AFG1L: variants seen among roughly 807,000 people sequenced by gnomAD.
The protein encoded by AFG1L is AFG1-like ATPase.
In AFG1L, 53 loss-of-function variants were observed where a neutral mutation model predicts 62.2. The observed-to-expected ratio is 0.85, with a 90% CI of 0.68 to 1.07. The LOEUF (loss-of-function observed/expected upper bound fraction) is 1.07, where lower values mean the gene tolerates loss of function less well. Ranked by LOEUF, AFG1L falls within the 50% of genes least tolerant of loss-of-function variation. AFG1L has a pLI of 0.00. For missense variants in AFG1L, 555 were observed against 590.5 expected (o/e 0.94, Z 0.62); for synonymous variants, 228 against 210.3 (o/e 1.08, Z -0.73).
At chr6:108,473,881 A>G (rs1276176884) in intron 8 of AFG1L, among the ~76,000 whole-genome samples, 2 of 152,092 alleles carry the variant, frequency 1.3e-5, no homozygotes, top group Admixed American at 1.3e-4. Context: ...AAAAATATAT[A>G]TTTTATTTTA....
intron 1 of AFG1L, among the ~76,000 whole-genome samples, chr6:108,309,096 A>C (rs1187179549): frequency 6.6e-6 from 1 of 152,182 alleles, no homozygotes; most frequent in Non-Finnish European, 1.5e-5. Context: ...AAGGTCACGA[A>C]GGTATTTTCA....
intron 8 of AFG1L, among the ~76,000 whole-genome samples, chr6:108,457,038 C>G (rs1443302153): frequency 6.6e-6 from 1 of 152,138 alleles, no homozygotes; most frequent in Non-Finnish European, 1.5e-5. Context: ...TAACAACACT[C>G]TTAAAACATA....
chr6:108,413,603 A>G (rs185618497), intron 7 of AFG1L, among the ~76,000 whole-genome samples: 320 of 152,364 alleles, frequency 2.1e-3, no homozygotes, highest in African/African-American at 7.4e-3. Flanking sequence ...AGAACTCAGG[A>G]CTAAGAAACT....
At chr6:108,401,363 C>T (rs543357382) in intron 6 of AFG1L, among the ~76,000 whole-genome samples, 241 of 151,678 alleles carry the variant, frequency 1.6e-3, no homozygotes, top group African/African-American at 4.8e-3. Flanking sequence ...AGGATGGTCT[C>T]GATCTCCTGA....
intron 7 of AFG1L, among the ~76,000 whole-genome samples, chr6:108,441,681 C>T (rs953394991): frequency 1.4e-5 from 2 of 143,064 alleles, no homozygotes; most frequent in Non-Finnish European, 3.0e-5. Context: ...TGAATGAAAT[C>T]TGAAAATCTG....
intron 6 of AFG1L, among the ~76,000 whole-genome samples, chr6:108,389,844 C>T (rs1230965102): frequency 6.6e-6 from 1 of 152,116 alleles, no homozygotes; most frequent in East Asian, 1.9e-4. Flanking sequence ...ATGAATCTGA[C>T]AATTACGTGT....
intron 2 of AFG1L, among the ~76,000 whole-genome samples, chr6:108,337,524 C>T (rs555290749): frequency 6.6e-6 from 1 of 152,262 alleles, no homozygotes; most frequent in Middle Eastern, 3.4e-3. Flanking sequence ...AGTACATGCC[C>T]ATAAATGCTG....
chr6:108,302,100 C>T (rs1777024004), intron 1 of AFG1L, among the ~76,000 whole-genome samples: 1 of 152,148 alleles, frequency 6.6e-6, no homozygotes, highest in Admixed American at 6.5e-5. Context: ...GTGTCCACCA[C>T]CATGCCCTGC....
chr6:108,386,816 T>G (rs1231746043), intron 6 of AFG1L, among the ~76,000 whole-genome samples: 1 of 152,206 alleles, frequency 6.6e-6, no homozygotes, highest in Non-Finnish European at 1.5e-5. Flanking sequence ...TACATTTTTT[T>G]GAAGTGATAT....
chr6:108,321,699 A>C (rs1777817922), intron 1 of AFG1L, among the ~76,000 whole-genome samples: 1 of 152,216 alleles, frequency 6.6e-6, no homozygotes, highest in African/African-American at 2.4e-5. Context: ...CTCAACCTGC[A>C]TCTCCAGCTT....
intron 2 of AFG1L, among the ~76,000 whole-genome samples, chr6:108,324,810 C>G (rs531406108): frequency 6.6e-6 from 1 of 152,018 alleles, no homozygotes; most frequent in Non-Finnish European, 1.5e-5. Context: ...CGTCCTGCCT[C>G]AGCCTCCCAA....
chr6:108,394,139 C>T (rs888399760), intron 6 of AFG1L, among the ~76,000 whole-genome samples: 3 of 142,552 alleles, frequency 2.1e-5, no homozygotes, highest in African/African-American at 7.8e-5. Flanking sequence ...CCTTCCCCTC[C>T]CCTCCCCTCC....
chr6:108,340,460 T>G (rs143547486), intron 2 of AFG1L, among the ~76,000 whole-genome samples: 3 of 152,054 alleles, frequency 2.0e-5, no homozygotes, highest in Non-Finnish European at 4.4e-5. Flanking sequence ...ATCTCCCAAT[T>G]TCAAGCGATT....
In AFG1L at chr6:108,523,849, T is replaced by G. The variant is rs966864063; in HGVS notation, c.*1424T>G. Reference sequence around the variant, plus strand: ...CTGTAAATAAAATGTGGTTTAAAGATATTTTTATTGAAGTGAAACACAGTA... The same window carrying G: ...CTGTAAATAAAATGTGGTTTAAAGAGATTTTTATTGAAGTGAAACACAGTA... On this transcript the variant is annotated 3_prime_UTR_variant, in exon 13 of 13. Coordinates refer to ENST00000368977, the MANE Select transcript of AFG1L (RefSeq NM_145315.5). 1 of 152,130 alleles carries G rather than the reference T, an allele frequency of 6.6e-6. No individual in the cohort carries two copies. Among genetic ancestry groups the G allele is most frequent in the East Asian group, 1.9e-4 (1 of 5,198 alleles). The allele number at this position is 152,130 out of a possible 1,614,324, so 9.4% of individuals were successfully genotyped here. A position where few individuals can be genotyped will look rare whatever the true frequency, so the allele number is the denominator to read the frequency against.
intron 8 of AFG1L, among the ~76,000 whole-genome samples, chr6:108,459,325 G>A (rs968405394): frequency 6.6e-6 from 1 of 152,204 alleles, no homozygotes; most frequent in Non-Finnish European, 1.5e-5. Flanking sequence ...AATGCTGAGT[G>A]TATTTGTGTC....
chr6:108,439,597 C>T (rs1771454006), intron 7 of AFG1L, among the ~76,000 whole-genome samples: 1 of 152,128 alleles, frequency 6.6e-6, no homozygotes, highest in Non-Finnish European at 1.5e-5. Context: ...GTAGTTACCT[C>T]TGGGGAGTAG....
In AFG1L at chr6:108,347,045, T is replaced by G; in HGVS notation, c.415+6T>G. 1.2e-6 allele frequency: 2 copies of G among 1,612,986 alleles called. No homozygotes were observed. The highest frequency in any genetic ancestry group is 4.5e-5 in the East Asian group (2 of 44,812). On this transcript the variant is annotated splice_donor_region_variant and intron_variant, in intron 3 of 12. Transcript: ENST00000368977. ...GTATGTTTATGGAGATGTTGGTAAGTGTGTTAAAATAAGTTTTGGGTGGGC... is the reference window on the plus strand; with the variant it reads ...GTATGTTTATGGAGATGTTGGTAAGGGTGTTAAAATAAGTTTTGGGTGGGC...
intron 2 of AFG1L, among the ~76,000 whole-genome samples, chr6:108,330,192 T>TTA (rs1554270752): frequency 1.2e-4 from 18 of 150,426 alleles, no homozygotes; most frequent in Admixed American, 1.1e-3. Context: ...ATTTTTTTTT[T>TTA]TTTTTTGCGA....
rs1003565430 is a variant in AFG1L, at chr6:108,356,671, T to G, written c.518-19T>G. On this transcript the variant is annotated intron_variant, in intron 4 of 12. Coordinates refer to ENST00000368977, the MANE Select transcript of AFG1L (RefSeq NM_145315.5). ...AAGTACTAATATATTTCATCTGTGTTTAATTTCATGCATTTAAGGAATACA... is the reference window on the plus strand; with the variant it reads ...AAGTACTAATATATTTCATCTGTGTGTAATTTCATGCATTTAAGGAATACA... 1.9e-6 allele frequency: 3 copies of G among 1,564,032 alleles called. No individual in the cohort carries two copies. Among genetic ancestry groups the G allele is most frequent in the Non-Finnish European group, 2.6e-6 (3 of 1,153,748 alleles).
Sources: allele counts gnomAD v4.1 joint callset (sites outside exome capture counted in the v4.1 genomes callset), GRCh38; gene constraint gnomAD v4.1.1; transcripts MANE v1.5; gene names NCBI Gene and HGNC (gene_info 2026-07-23, HGNC 2026-07-21).